THBS4: variants seen among roughly 807,000 people sequenced by gnomAD.
THBS4 encodes the protein thrombospondin 4, also known as thrombospondin-4.
In THBS4, 90 loss-of-function variants were observed where a neutral mutation model predicts 115.7. The observed-to-expected ratio is 0.78, with a 90% CI of 0.66 to 0.93. The LOEUF (loss-of-function observed/expected upper bound fraction) is 0.93, where lower values mean the gene tolerates loss of function less well. Among genes scored for constraint, THBS4 ranks in the 40% least tolerant of loss-of-function variants. THBS4 has a pLI of 0.00. For missense variants in THBS4, 1,087 were observed against 1,232.7 expected, an observed-to-expected ratio of 0.88 and a Z score of 1.77; for synonymous variants, 460 against 479.3, an observed-to-expected ratio of 0.96 and a Z score of 0.53.
intron 14 of THBS4, chr5:80,072,804 C>CCT (rs1258538164): frequency 4.0e-6 from 1 of 251,402 alleles, no homozygotes; most frequent in Non-Finnish European, 7.8e-6. Context: ...CCTTCTCACT[C>CCT]CTCCTCCCTG....
At chr5:80,033,845 G>C (rs1306108616), upstream of THBS4, among the ~76,000 whole-genome samples, 2 of 152,168 alleles carry the variant, frequency 1.3e-5, no homozygotes, top group Non-Finnish European at 2.9e-5. Context: ...CCTAATCACT[G>C]TTTTTTAAAT....
chr5:80,023,893 G>T (rs1391478647), intron 2 of THBS4, among the ~76,000 whole-genome samples: 1 of 152,076 alleles, frequency 6.6e-6, no homozygotes, highest in African/African-American at 2.4e-5. Context: ...CATCCCACGA[G>T]AGTAAGAACT....
chr5:79,994,238 TC>T (rs1831744380), intron 1 of THBS4, among the ~76,000 whole-genome samples: 1 of 152,154 alleles, frequency 6.6e-6, no homozygotes, highest in Non-Finnish European at 1.5e-5. Context: ...CATCTTTGTG[TC>T]CCTCCTTGAA....
At chr5:79,997,030 G>GTT (rs201267378) in intron 1 of THBS4, among the ~76,000 whole-genome samples, 14 of 138,792 alleles carry the variant, frequency 1.0e-4, no homozygotes, top group Non-Finnish European at 1.3e-4. Context: ...AATCAAAATA[G>GTT]TTTTTTTTTT....
At chr5:80,073,470 G>A (rs774300286) in intron 15 of THBS4, 143 bp downstream of exon 15, 100 of 730,538 alleles carry the variant, frequency 1.4e-4, no homozygotes, top group Non-Finnish European at 1.9e-4. Context: ...TGCAAGCTCC[G>A]ATTCCCAGGT....
At chr5:80,047,632 A>C (rs1342332058) in intron 2 of THBS4, among the ~76,000 whole-genome samples, 1 of 137,612 alleles carries the variant, frequency 7.3e-6, no homozygotes. Context: ...AAAAATTAAG[A>C]ATTTTTTTTT....
At chr5:80,077,855 C>T (rs757334502) in intron 16 of THBS4, among the ~76,000 whole-genome samples, 194 bp from the exon 17 acceptor site, 3 of 152,158 alleles carry the variant, frequency 2.0e-5, no homozygotes, top group Non-Finnish European at 2.9e-5. Flanking sequence ...TCACCCAGTA[C>T]AAGGACTCCA....
chr5:80,014,157 C>T (rs1832202615), intron 2 of THBS4, among the ~76,000 whole-genome samples: 1 of 152,196 alleles, frequency 6.6e-6, no homozygotes, highest in Non-Finnish European at 1.5e-5. Context: ...CCACCACCAC[C>T]ACTTCCTACA....
chr5:80,061,597 ATAGT>A, intron 7 of THBS4, 94 bp from the exon 8 acceptor site: 1 of 1,409,058 alleles, frequency 7.1e-7, no homozygotes, highest in Admixed American at 2.3e-5. Flanking sequence ...CCACCAAAAG[ATAGT>A]TAAATGACTA....
chr5:80,018,389 C>CT (rs35373315), intron 2 of THBS4, among the ~76,000 whole-genome samples: 10,260 of 99,992 alleles, frequency 0.1, 1,508 homozygotes, highest in African/African-American at 0.29. Flanking sequence ...TTCAAATATA[C>CT]TTTTTTTTTT....
chr5:80,040,353 T>C, intron 2 of THBS4, 73 bp downstream of exon 2: 1 of 1,221,676 alleles, frequency 8.2e-7, no homozygotes, highest in East Asian at 2.5e-5. Flanking sequence ...TATACTGTCT[T>C]TGAGATGGTT....
At chr5:79,993,962 A>G (rs915737084) in intron 1 of THBS4, among the ~76,000 whole-genome samples, 1 of 152,228 alleles carries the variant, frequency 6.6e-6, no homozygotes. Context: ...AATAGAAAAA[A>G]GGAGAGCTGA....
intron 2 of THBS4, among the ~76,000 whole-genome samples, chr5:80,050,499 C>G (rs1352645133): frequency 1.3e-5 from 2 of 152,110 alleles, no homozygotes; most frequent in African/African-American, 4.8e-5. Context: ...ACATCCAGTG[C>G]AGGGTCTGCA....
Position 80,080,579 on chromosome 5 carries a change from CTTTTTTTT to C in THBS4, c.2684+520_2684+527del, listed in dbSNP as rs67048630. Among the ~76,000 whole-genome samples the C allele has an allele frequency of 2.1e-3, 107 of 50,500 alleles. 2 individuals carry two copies. The highest frequency in any genetic ancestry group is 6.1e-3 in the African/African-American group (78 of 12,708). 33.1% of individuals were successfully genotyped at this position (50,500 alleles called of 152,430 possible). On this transcript the variant is annotated intron_variant, in intron 20 of 21. Coordinates refer to ENST00000350881, the MANE Select transcript of THBS4 (RefSeq NM_003248.6). The stretch of plus-strand genomic sequence containing the variant: ...AACTGCATGAGAGCAGCGCTTGTAT[CTTTTTTTT>C]TTTTTTTTTTTTTTTTTGGAGACGG...
At chr5:80,031,852 A>C (rs1184467990), upstream of THBS4, among the ~76,000 whole-genome samples, 1 of 152,226 alleles carries the variant, frequency 6.6e-6, no homozygotes, top group Non-Finnish European at 1.5e-5. Context: ...AATTGGGGCC[A>C]TTTTTGTAAC....
At chr5:80,052,265 TA>T (rs1833280343) in intron 2 of THBS4, 1 of 152,186 alleles carries the variant, frequency 6.6e-6, no homozygotes, top group Non-Finnish European at 1.5e-5. Context: ...TTCTCAACAT[TA>T]AAAAAATTTT....
In THBS4 at chr5:80,083,090, T is replaced by C. The variant is rs1229040869; in HGVS notation, c.2835T>C (p.Pro945=). 6.2e-7 allele frequency: 1 copy of C among 1,614,074 alleles called. No homozygotes were observed. Among genetic ancestry groups the C allele is most frequent in the South Asian group, 1.1e-5 (1 of 91,084 alleles). ...CCATTCCTATTGCAGACACCATCCC[T>C]GAGGACTTCCAAGAGTTTCAAACCC... ...NLKYRCNDTI[P]EDFQEFQTQN... The change falls in exon 22 of 22, where the codon CCT becomes CCC. Residue 945 remains proline, a synonymous_variant. Coordinates refer to ENST00000350881, the MANE Select transcript of THBS4 (RefSeq NM_003248.6).
intron 8 of THBS4, among the ~76,000 whole-genome samples, chr5:80,064,617 G>C (rs1332668985): frequency 6.6e-6 from 1 of 152,178 alleles, no homozygotes; most frequent in Non-Finnish European, 1.5e-5. Flanking sequence ...TGTGGTCCCA[G>C]CAACCTTGGG....
chr5:80,028,392 G>A (rs1250063895), intron 2 of THBS4, among the ~76,000 whole-genome samples: 1 of 151,724 alleles, frequency 6.6e-6, no homozygotes, highest in Admixed American at 6.6e-5. Context: ...TATCTGGCCT[G>A]ACCTCTCCAC....
Sources: allele counts gnomAD v4.1 joint callset (sites outside exome capture counted in the v4.1 genomes callset), GRCh38; gene constraint gnomAD v4.1.1; transcripts MANE v1.5; gene names NCBI Gene and HGNC (gene_info 2026-07-23, HGNC 2026-07-21).